The following DACH2 variants were observed in gnomAD, a reference collection of about 807,000 sequenced individuals.
DACH2 encodes the protein dachshund homolog 2.
DACH2 carries 17 observed loss-of-function variants against 35.8 expected under a neutral mutation model. That is an observed-to-expected ratio of 0.48 (90% CI 0.33 to 0.71). DACH2 has a LOEUF of 0.71. Among genes scored for constraint, DACH2 ranks in the 30% least tolerant of loss-of-function variants. DACH2 has a pLI of 0.02. For missense variants in DACH2, 469 were observed against 472.7 expected (o/e 0.99, Z 0.07); for synonymous variants, 195 against 177.3 (o/e 1.10, Z -0.79).
Position 86,412,521 on chromosome X carries a change from G to A in DACH2, c.527+35659G>A, listed in dbSNP as rs186516409. On this transcript the variant is annotated intron_variant, in intron 2 of 11. Coordinates refer to ENST00000373125, the MANE Select transcript of DACH2 (RefSeq NM_053281.3). ...TCAATCCAGCTGCTTCAGGATGATGGGGAATATGGTAAGACCAGTGAATTC... is the reference window on the plus strand; with the variant it reads ...TCAATCCAGCTGCTTCAGGATGATGAGGAATATGGTAAGACCAGTGAATTC... Among the ~76,000 whole-genome samples the A allele has an allele frequency of 1.7e-3, 194 of 111,700 alleles. 1 individual carries two copies. The highest frequency in any genetic ancestry group is 5.9e-3 in the African/African-American group (180 of 30,730).
At chrX:86,739,074 A>G (rs959348722) in intron 6 of DACH2, among the ~76,000 whole-genome samples, 2 of 110,325 alleles carry the variant, frequency 1.8e-5, no homozygotes, top group Non-Finnish European at 3.8e-5. Flanking sequence ...CGGTTTCACC[A>G]TTTTGATCAG....
chrX:86,443,899 C>A (rs1180331878), intron 2 of DACH2, among the ~76,000 whole-genome samples: 2 of 111,213 alleles, frequency 1.8e-5, no homozygotes, highest in Non-Finnish European at 3.8e-5. Context: ...ATTCACTTTG[C>A]TAGTATTTTA....
intron 2 of DACH2, among the ~76,000 whole-genome samples, chrX:86,507,123 C>T (rs1354348828): frequency 2.7e-5 from 3 of 111,874 alleles, no homozygotes; most frequent in African/African-American, 9.8e-5. Flanking sequence ...CAGACTGTAT[C>T]ACTATCCATA....
At chrX:86,205,787 G>A (rs1023806320) in intron 1 of DACH2, among the ~76,000 whole-genome samples, 1 of 107,498 alleles carries the variant, frequency 9.3e-6, no homozygotes, top group African/African-American at 3.4e-5. Context: ...AGTTGACCTC[G>A]AATTCCTGAC....
chrX:86,516,429 TTTTTA>T (rs1407428074), intron 3 of DACH2, among the ~76,000 whole-genome samples: 1 of 111,350 alleles, frequency 9.0e-6, no homozygotes, highest in Non-Finnish European at 1.9e-5. Context: ...TATTAAGTTC[TTTTTA>T]TGTACTAGCC....
intron 4 of DACH2, among the ~76,000 whole-genome samples, chrX:86,680,567 C>G (rs1351677893): frequency 1.8e-5 from 2 of 110,738 alleles, no homozygotes; most frequent in Non-Finnish European, 3.8e-5. Flanking sequence ...TTTAACTATA[C>G]TCATCATTGT....
At chrX:86,712,208 T>C (rs1387912415) in intron 5 of DACH2, among the ~76,000 whole-genome samples, 1 of 111,498 alleles carries the variant, frequency 9.0e-6, no homozygotes, top group Non-Finnish European at 1.9e-5. Flanking sequence ...ATATTGAGCA[T>C]AATGTGAAGG....
At chrX:86,792,587 T>A (rs921455867) in intron 7 of DACH2, among the ~76,000 whole-genome samples, 1 of 111,631 alleles carries the variant, frequency 9.0e-6, no homozygotes, top group Non-Finnish European at 1.9e-5. Flanking sequence ...CAACATGAGA[T>A]GTTTTTTAGC....
chrX:86,770,578 G>T (rs972190237), intron 7 of DACH2, among the ~76,000 whole-genome samples: 3 of 106,383 alleles, frequency 2.8e-5, no homozygotes, highest in Non-Finnish European at 5.8e-5. Flanking sequence ...GATAGCCAGA[G>T]TATGTTTCTC....
intron 1 of DACH2, among the ~76,000 whole-genome samples, chrX:86,370,475 C>G (rs993988428): frequency 9.0e-6 from 1 of 111,620 alleles, no homozygotes; most frequent in Non-Finnish European, 1.9e-5. Context: ...TGATCATCGA[C>G]TGGAAGACAT....
chrX:86,250,354 T>C (rs186741023), intron 1 of DACH2, among the ~76,000 whole-genome samples: 1 of 111,443 alleles, frequency 9.0e-6, no homozygotes, highest in East Asian at 2.8e-4. Context: ...TTATATGCAC[T>C]GGCAGGGTAT....
intron 3 of DACH2, among the ~76,000 whole-genome samples, chrX:86,609,226 G>GT (rs1473109807): frequency 9.0e-6 from 1 of 111,673 alleles, no homozygotes; most frequent in African/African-American, 3.2e-5. Context: ...CTCACAGATT[G>GT]TTTTTTCTTC....
intron 1 of DACH2, among the ~76,000 whole-genome samples, chrX:86,189,634 A>C (rs1196457398): frequency 9.0e-6 from 1 of 111,401 alleles, no homozygotes; most frequent in Non-Finnish European, 1.9e-5. Context: ...AAATAATATA[A>C]ATAATACCTT....
chrX:86,635,766 C>CA (rs2040257645), intron 3 of DACH2, among the ~76,000 whole-genome samples: 2 of 111,217 alleles, frequency 1.8e-5, no homozygotes, highest in East Asian at 5.7e-4. Context: ...ATCATGAACA[C>CA]AGTCTCATTC....
At chrX:86,617,394 C>A (rs2040018318) in intron 3 of DACH2, among the ~76,000 whole-genome samples, 1 of 110,694 alleles carries the variant, frequency 9.0e-6, no homozygotes, top group Admixed American at 9.7e-5. Context: ...GATGTTGATT[C>A]TTTCTAGCTA....
intron 3 of DACH2, among the ~76,000 whole-genome samples, chrX:86,617,862 T>A (rs1018025606): frequency 8.9e-6 from 1 of 112,567 alleles, no homozygotes; most frequent in Non-Finnish European, 1.9e-5. Context: ...TCACCATCAC[T>A]TAGCAAACTG....
intron 3 of DACH2, among the ~76,000 whole-genome samples, chrX:86,570,625 C>T (rs1416212179): frequency 3.6e-5 from 4 of 110,188 alleles, no homozygotes; most frequent in Non-Finnish European, 5.7e-5. Flanking sequence ...GAAAAAAATG[C>T]ATGCTGGGCT....
intron 7 of DACH2, among the ~76,000 whole-genome samples, chrX:86,760,168 G>T (rs750789746): frequency 2.7e-5 from 3 of 111,224 alleles, no homozygotes; most frequent in Admixed American, 9.6e-5. Flanking sequence ...GATGTAATGT[G>T]CCATGGAGAA....
intron 3 of DACH2, among the ~76,000 whole-genome samples, chrX:86,580,987 G>A (rs768789183): frequency 5.4e-5 from 6 of 111,247 alleles, no homozygotes; most frequent in African/African-American, 2.0e-4. Flanking sequence ...TGCAGCTAGA[G>A]GGAAGGGGCA....
Sources: gnomAD v4.1 joint callset for allele counts (sites outside exome capture counted in the v4.1 genomes callset) on GRCh38, gnomAD v4.1.1 for gene constraint, MANE v1.5 for transcripts, NCBI Gene and HGNC (gene_info 2026-07-23, HGNC 2026-07-21) for gene names.